Variants in SNRNP40 observed in about 807,000 individuals in gnomAD.
SNRNP40 encodes small nuclear ribonucleoprotein U5 subunit 40, also known as U5 small nuclear ribonucleoprotein 40 kDa protein.
In SNRNP40, 21 loss-of-function variants were observed where a neutral mutation model predicts 45.8. The ratio of observed to expected loss-of-function variants is 0.46; its 90% CI spans 0.32 to 0.66. The LOEUF (loss-of-function observed/expected upper bound fraction) is 0.66. Ranked by LOEUF, SNRNP40 falls within the 30% of genes least tolerant of loss-of-function variation. SNRNP40 has a pLI of 0.03. For missense variants in SNRNP40, 344 were observed against 439.1 expected (o/e 0.78, Z 1.94); for synonymous variants, 142 against 163.8 (o/e 0.87, Z 1.01).
intron 6 of SNRNP40, among the ~76,000 whole-genome samples, chr1:31,269,965 T>C (rs6425727): frequency 0.99 from 150,058 of 152,168 alleles, 74,028 homozygotes; most frequent in Middle Eastern, 1. Context: ...TGCAGTGGCG[T>C]GATCTCGGCT....
intron 1 of SNRNP40, among the ~76,000 whole-genome samples, chr1:31,296,308 C>T (rs371358322): frequency 1.1e-4 from 16 of 152,132 alleles, no homozygotes; most frequent in African/African-American, 3.9e-4. Flanking sequence ...TGTTCTATGC[C>T]AGATCCATGT....
chr1:31,283,931 A>C (rs1288027391), intron 4 of SNRNP40, among the ~76,000 whole-genome samples: 4 of 151,984 alleles, frequency 2.6e-5, no homozygotes, highest in African/African-American at 9.7e-5. Context: ...AAAACTATAA[A>C]ATTCTTAGAG....
chr1:31,274,657 A>C (rs1480939748), intron 5 of SNRNP40, among the ~76,000 whole-genome samples: 1 of 150,660 alleles, frequency 6.6e-6, no homozygotes, highest in Non-Finnish European at 1.5e-5. Flanking sequence ...AAAAAAAAAA[A>C]AAAAAAAACC....
Position 31,271,507 on chromosome 1 carries a change from A to C in SNRNP40, c.655-8T>G, listed in dbSNP as rs1484539242. 6.3e-7 allele frequency: 1 copy of C among 1,594,834 alleles called. No homozygotes were observed. The highest frequency in any genetic ancestry group is 1.1e-5 in the South Asian group (1 of 87,130). On this transcript the variant is annotated splice_polypyrimidine_tract_variant and splice_region_variant and intron_variant, in intron 5 of 9. Transcript: ENST00000263694. ...CTGGCGCAGGTCCCAGACCTGCAAA[A>C]ACAGAAAGGTGCCCCCAGAAATCAA...
intron 1 of SNRNP40, among the ~76,000 whole-genome samples, chr1:31,294,991 G>T (rs1288939748): frequency 6.6e-6 from 1 of 151,698 alleles, no homozygotes; most frequent in Non-Finnish European, 1.5e-5. Context: ...AAACAGCAAT[G>T]AACAAAATAA....
At chr1:31,293,009 G>C (rs751517297) in intron 2 of SNRNP40, 7 of 555,866 alleles carry the variant, frequency 1.3e-5, no homozygotes, top group East Asian at 3.2e-5. Flanking sequence ...TTTCCAACTA[G>C]TAAAATAATG....
chr1:31,289,531 G>T, intron 3 of SNRNP40, 112 bp from the exon 4 acceptor site: 1 of 865,182 alleles, frequency 1.2e-6, no homozygotes, highest in Non-Finnish European at 1.8e-6. Flanking sequence ...GACCTGCTGT[G>T]CTACGCCAGT....
In SNRNP40 at chr1:31,259,915, C is replaced by G. The variant is rs546074469; in HGVS notation, c.*157G>C. 1 of 709,096 alleles carries G rather than the reference C, an allele frequency of 1.4e-6. No individual in the cohort carries two copies. The allele number at this position is 709,096 out of a possible 1,614,324, so 43.9% of individuals were successfully genotyped here. A position where few individuals can be genotyped will look rare whatever the true frequency, so the allele number is the denominator to read the frequency against. On this transcript the variant is annotated 3_prime_UTR_variant, in exon 10 of 10. Coordinates refer to ENST00000263694, the MANE Select transcript of SNRNP40 (RefSeq NM_004814.3). ...CCTTAGTCATCCTGGTGAAATGGGA[C>G]AGAAGTGGTTTTTGGAATATGGCCA...
intron 1 of SNRNP40, 124 bp downstream of exon 1, chr1:31,296,487 A>C (rs1646160258): frequency 7.7e-7 from 1 of 1,292,708 alleles, no homozygotes. Flanking sequence ...TATGTGCTTT[A>C]ACTCTGCGTA....
intron 5 of SNRNP40, among the ~76,000 whole-genome samples, chr1:31,278,510 A>G (rs530719896): frequency 1.3e-5 from 2 of 152,342 alleles, no homozygotes; most frequent in South Asian, 4.1e-4. Context: ...TGATGACATT[A>G]ATCTATTTTC....
chr1:31,277,180 C>T (rs544268736), intron 5 of SNRNP40, among the ~76,000 whole-genome samples: 19 of 151,938 alleles, frequency 1.3e-4, no homozygotes, highest in Non-Finnish European at 2.5e-4. Flanking sequence ...CTCGGCAGAG[C>T]GAGACTCTCT....
chr1:31,271,703 G>A (rs1472340605), intron 5 of SNRNP40, among the ~76,000 whole-genome samples: 1 of 151,828 alleles, frequency 6.6e-6, no homozygotes, highest in Non-Finnish European at 1.5e-5. Context: ...CAGTGCAGTG[G>A]CACTATCATG....
At chr1:31,264,167 T>C (rs950365623) in intron 8 of SNRNP40, among the ~76,000 whole-genome samples, 1 of 152,156 alleles carries the variant, frequency 6.6e-6, no homozygotes, top group African/African-American at 2.4e-5. Context: ...CTAGTTCTAA[T>C]CCAACTTACA....
chr1:31,292,641 A>AT (rs1164424814), intron 2 of SNRNP40, among the ~76,000 whole-genome samples: 6 of 152,106 alleles, frequency 3.9e-5, no homozygotes, highest in Middle Eastern at 3.4e-3. Context: ...GAAGCATCTG[A>AT]TTTTTTTTCC....
intron 2 of SNRNP40, chr1:31,292,961 CT>C (rs1389404797): frequency 2.2e-6 from 1 of 457,398 alleles, no homozygotes; most frequent in African/African-American, 2.0e-5. Context: ...GGAGATTTGC[CT>C]CTATGAGGAA....
chr1:31,273,205 C>A (rs1180566606), intron 5 of SNRNP40, among the ~76,000 whole-genome samples: 1 of 152,194 alleles, frequency 6.6e-6, no homozygotes, highest in African/African-American at 2.4e-5. Context: ...TCTGAGAAGG[C>A]ACTGTTGAAA....
intron 4 of SNRNP40, among the ~76,000 whole-genome samples, chr1:31,284,875 C>A (rs546811791): frequency 3.9e-5 from 6 of 152,174 alleles, no homozygotes; most frequent in Admixed American, 6.5e-5. Flanking sequence ...ACGCTTCACT[C>A]CTCTCCTACA....
At chr1:31,289,175 C>A in intron 4 of SNRNP40, 79 bp downstream of exon 4, 1 of 1,327,490 alleles carries the variant, frequency 7.5e-7, no homozygotes, top group Admixed American at 2.2e-5. Context: ...GCACAGGAAG[C>A]TAGAGTACAA....
At chr1:31,278,317 A>G (rs994458651) in intron 5 of SNRNP40, among the ~76,000 whole-genome samples, 2 of 152,216 alleles carry the variant, frequency 1.3e-5, no homozygotes, top group Non-Finnish European at 2.9e-5. Flanking sequence ...TACTAGCACA[A>G]GAGTATTATT....
Sources: allele counts gnomAD v4.1 joint callset (sites outside exome capture counted in the v4.1 genomes callset), GRCh38; gene constraint gnomAD v4.1.1; transcripts MANE v1.5; gene names NCBI Gene and HGNC (gene_info 2026-07-23, HGNC 2026-07-21).